FHDC1: variants seen among roughly 807,000 people sequenced by gnomAD.
FHDC1 encodes FH2 domain-containing protein 1.
Under a neutral mutation model 52.6 loss-of-function variants are expected in FHDC1, and 25 were observed. That is an observed-to-expected ratio of 0.48 (90% confidence interval 0.35 to 0.66). The LOEUF (loss-of-function observed/expected upper bound fraction) is 0.66, where lower values mean the gene tolerates loss of function less well. Ranked by LOEUF, FHDC1 falls within the 30% of genes least tolerant of loss-of-function variation. FHDC1 has a pLI of 0.01. For missense variants in FHDC1, 1,459 were observed against 1,452.8 expected, an observed-to-expected ratio of 1.00 and a Z score of -0.07; for synonymous variants, 616 against 581.5, an observed-to-expected ratio of 1.06 and a Z score of -0.85.
At chr4:152,972,318 C>T in intron 10 of FHDC1, 59 bp from the exon 11 acceptor site, 1 of 1,515,170 alleles carries the variant, frequency 6.6e-7, no homozygotes, top group Non-Finnish European at 8.8e-7. Flanking sequence ...GATGCAGTGC[C>T]CAGCGCCGCC....
chr4:152,935,187 C>CTT (rs139536408), upstream of FHDC1, among the ~76,000 whole-genome samples: 4,180 of 152,272 alleles, frequency 0.027, 179 homozygotes, highest in African/African-American at 0.095. Flanking sequence ...AATAGTTTCT[C>CTT]TTTCTCGATC....
At chr4:152,938,077 C>T (rs1241822202) in intron 1 of FHDC1, among the ~76,000 whole-genome samples, 1 of 152,150 alleles carries the variant, frequency 6.6e-6, no homozygotes, top group Non-Finnish European at 1.5e-5. Flanking sequence ...ACAGAAACGA[C>T]CTCCGGGATT....
chr4:152,975,306 A>T lies in FHDC1; in HGVS notation c.2015A>T (p.Glu672Val). 1 of 1,613,638 alleles carries T rather than the reference A, an allele frequency of 6.2e-7. No individual in the cohort carries two copies. The highest frequency in any genetic ancestry group is 8.5e-7 in the Non-Finnish European group (1 of 1,180,032). Reference protein sequence around the residue: ...PLSPLALGIKEHELVTGLAQF... With the variant: ...PLSPLALGIKVHELVTGLAQF... ...TCGCCATTGGCTCTGGGAATTAAGG[A>T]GCATGAGCTGGTGACAGGGCTGGCC... is the stretch of plus-strand genomic sequence containing the variant. The change falls in exon 12 of 12, where the codon GAG becomes GTG. Residue 672 changes from glutamate to valine, a missense_variant. Physicochemically the swap from Glu to Val is moderately radical, Grantham distance 121. Transcript: ENST00000511601.
chr4:152,953,217 G>A (rs1362756339), intron 2 of FHDC1, among the ~76,000 whole-genome samples: 1 of 152,080 alleles, frequency 6.6e-6, no homozygotes, highest in African/African-American at 2.4e-5. Context: ...ACCATCATAG[G>A]TCGGGACCAT....
chr4:152,967,379 A>G (rs1740496422), intron 9 of FHDC1, among the ~76,000 whole-genome samples: 1 of 152,140 alleles, frequency 6.6e-6, no homozygotes, highest in African/African-American at 2.4e-5. Context: ...GTGAGCCAAG[A>G]TCAGGCCACT....
chr4:152,960,140 T>C (rs1740232911), intron 4 of FHDC1, among the ~76,000 whole-genome samples: 1 of 152,240 alleles, frequency 6.6e-6, no homozygotes, highest in Admixed American at 6.5e-5. Context: ...TTTTTTTCCG[T>C]TTATGACTTA....
chr4:152,960,539 A>G (rs1561209579), intron 4 of FHDC1, 26 bp from the exon 5 acceptor site: 2 of 1,568,316 alleles, frequency 1.3e-6, no homozygotes, highest in Non-Finnish European at 1.8e-6. Context: ...GATTTTATAT[A>G]CCCCCCCTTT....
the FHDC1 span, among the ~76,000 whole-genome samples, chr4:152,921,450 G>A: frequency 1.3e-5 from 2 of 151,962 alleles, no homozygotes; most frequent in Non-Finnish European, 2.9e-5. Flanking sequence ...AACTGTGATA[G>A]TTATCATTTA....
At chr4:152,945,657 A>T (rs892835671) in intron 2 of FHDC1, among the ~76,000 whole-genome samples, 43 of 152,228 alleles carry the variant, frequency 2.8e-4, no homozygotes, top group African/African-American at 1.0e-3. Flanking sequence ...GGGTTTCACC[A>T]TTTTGGCCCG....
chr4:152,940,558 C>G (rs1174020847), intron 1 of FHDC1, among the ~76,000 whole-genome samples: 3 of 152,136 alleles, frequency 2.0e-5, no homozygotes, highest in Non-Finnish European at 4.4e-5. Context: ...TATAGTCTTC[C>G]TTAGTCTTTG....
chr4:152,932,540 A>T (rs368860767), upstream of FHDC1, among the ~76,000 whole-genome samples: 129 of 152,358 alleles, frequency 8.5e-4, no homozygotes, highest in East Asian at 4.8e-3. Context: ...AGGATTGGCA[A>T]GCCTTTGCAT....
At chr4:152,930,991 ACACACACTCT>A in the FHDC1 span, among the ~76,000 whole-genome samples, 39 of 146,012 alleles carry the variant, frequency 2.7e-4, no homozygotes, top group South Asian at 1.4e-3. Context: ...ACACACACAC[ACACACACTCT>A]CTCTCTCTCT....
At chr4:152,925,532 T>C in the FHDC1 span, among the ~76,000 whole-genome samples, 1 of 152,088 alleles carries the variant, frequency 6.6e-6, no homozygotes, top group Non-Finnish European at 1.5e-5. Flanking sequence ...TAAAAACAAA[T>C]GCCAAATCAA....
intron 2 of FHDC1, among the ~76,000 whole-genome samples, chr4:152,949,124 T>TGATGATGATGATGATG (rs1554040344): frequency 2.7e-5 from 2 of 74,702 alleles, no homozygotes; most frequent in African/African-American, 1.0e-4. Flanking sequence ...ATAATAATAA[T>TGATGATGATGATGATG]AAGAAGAAGA....
the FHDC1 span, chr4:152,927,527 A>G: frequency 2.4e-6 from 3 of 1,225,490 alleles, no homozygotes; most frequent in East Asian, 7.0e-5. Context: ...GTGCAAAAGG[A>G]GGCAAGAAGA....
intron 1 of FHDC1, among the ~76,000 whole-genome samples, chr4:152,936,929 G>T (rs917860563): frequency 1.3e-5 from 2 of 152,246 alleles, no homozygotes; most frequent in Non-Finnish European, 2.9e-5. Context: ...GGCGGTGGCG[G>T]GGACCTAGTG....
chr4:152,976,389 C>A lies in FHDC1; in HGVS notation c.3098C>A (p.Pro1033Gln). ...GTCCCCCACGAACTACCCCGTGTCC[C>A]GAGCTTTGCCCGGAACACAGTGGCC... ...PSVPHELPRV[P>Q]SFARNTVASS... The change falls in exon 12 of 12, where the codon CCG (proline) becomes CAG (glutamine). Residue 1033 changes from proline to glutamine, a missense_variant. Transcript: ENST00000511601. 1 of 1,613,832 alleles carries A rather than the reference C, an allele frequency of 6.2e-7. No individual in the cohort carries two copies. The highest frequency in any genetic ancestry group is 8.5e-7 in the Non-Finnish European group (1 of 1,180,032).
intron 1 of FHDC1, 119 bp downstream of exon 1, chr4:152,936,528 G>T (rs1739384197): frequency 6.6e-6 from 1 of 152,320 alleles, no homozygotes. Flanking sequence ...AGGCTGAGGC[G>T]CCGAGAAGCG....
the FHDC1 span, among the ~76,000 whole-genome samples, chr4:152,916,599 T>C: frequency 6.6e-6 from 1 of 151,836 alleles, no homozygotes; most frequent in African/African-American, 2.4e-5. Context: ...GGATATTTGG[T>C]CCAGAAAGGC....
Sources: allele counts gnomAD v4.1 joint callset (sites outside exome capture counted in the v4.1 genomes callset), GRCh38; gene constraint gnomAD v4.1.1; transcripts MANE v1.5; gene names NCBI Gene and HGNC (gene_info 2026-07-23, HGNC 2026-07-21).